The following PRIM2 variants were observed in gnomAD, a reference collection of about 807,000 sequenced individuals.
PRIM2 encodes DNA primase large subunit.
PRIM2 carries 39 observed loss-of-function variants against 67.3 expected under a neutral mutation model. That is an observed-to-expected ratio of 0.58 (90% confidence interval 0.45 to 0.76). PRIM2 has a LOEUF of 0.76. Ranked by LOEUF, PRIM2 falls within the 30% of genes least tolerant of loss-of-function variation. The pLI is 0.00. For synonymous variants in PRIM2, 143 were observed against 198.7 expected, an observed-to-expected ratio of 0.72 and a Z score of 2.36; for missense variants, 398 against 598.7, an observed-to-expected ratio of 0.66 and a Z score of 3.50.
At chr6:57,373,227 T>G (rs1769627169) in intron 5 of PRIM2, among the ~76,000 whole-genome samples, 1 of 152,204 alleles carries the variant, frequency 6.6e-6, no homozygotes, top group Non-Finnish European at 1.5e-5. Flanking sequence ...CATTGTTTTT[T>G]TTTTCATGTG....
chr6:57,561,263 A>G (rs1308976701), intron 10 of PRIM2, among the ~76,000 whole-genome samples: 3 of 151,820 alleles, frequency 2.0e-5, no homozygotes, highest in Non-Finnish European at 2.9e-5. Flanking sequence ...ATGGAGTCCC[A>G]CTCTGTTGCC....
intron 7 of PRIM2, among the ~76,000 whole-genome samples, chr6:57,409,843 T>C (rs6923733): frequency 1.2e-4 from 18 of 152,302 alleles, no homozygotes; most frequent in South Asian, 4.1e-4. Flanking sequence ...TCTTTTATGG[T>C]TTACTTTTAT....
chr6:57,235,296 CT>C, the PRIM2 span, among the ~76,000 whole-genome samples: 1 of 152,124 alleles, frequency 6.6e-6, no homozygotes, highest in Non-Finnish European at 1.5e-5. Flanking sequence ...AGCCCCATCT[CT>C]ACTAAAAATG....
At chr6:57,346,881 G>C (rs4712145) in intron 5 of PRIM2, among the ~76,000 whole-genome samples, 2 of 152,104 alleles carry the variant, frequency 1.3e-5, no homozygotes, top group African/African-American at 2.4e-5. Flanking sequence ...AAGTAGTTGC[G>C]TAACAAATCC....
At chr6:57,253,178 A>C in the PRIM2 span, among the ~76,000 whole-genome samples, 47 of 137,358 alleles carry the variant, frequency 3.4e-4, no homozygotes, top group East Asian at 2.5e-4. Context: ...TTCCTAAGAA[A>C]AACAACATGC....
intron 7 of PRIM2, among the ~76,000 whole-genome samples, chr6:57,421,156 C>T (rs1338539553): frequency 4.6e-5 from 7 of 152,044 alleles, no homozygotes; most frequent in Non-Finnish European, 8.8e-5. Context: ...GAGAAGAGGC[C>T]ATTGTATTTA....
At chr6:57,302,800 CA>C in the PRIM2 span, among the ~76,000 whole-genome samples, 1 of 152,146 alleles carries the variant, frequency 6.6e-6, no homozygotes, top group African/African-American at 2.4e-5. Context: ...ACTGTTGAAG[CA>C]GAAAGTAATA....
the PRIM2 span, among the ~76,000 whole-genome samples, chr6:57,243,796 A>G: frequency 6.6e-6 from 1 of 152,128 alleles, no homozygotes; most frequent in African/African-American, 2.4e-5. Flanking sequence ...TTTCATACAA[A>G]TCTGTTTCAA....
the PRIM2 span, among the ~76,000 whole-genome samples, chr6:57,303,932 G>A: frequency 1.7e-4 from 26 of 152,232 alleles, no homozygotes; most frequent in African/African-American, 6.3e-4. Flanking sequence ...TTTGCACCCC[G>A]CCCACTTCTG....
chr6:57,241,911 A>T, the PRIM2 span, among the ~76,000 whole-genome samples: 1 of 152,030 alleles, frequency 6.6e-6, no homozygotes, highest in Non-Finnish European at 1.5e-5. Context: ...TGACCTCGTG[A>T]TCTGCCCTCC....
intron 7 of PRIM2, among the ~76,000 whole-genome samples, chr6:57,465,199 C>T (rs1208725894): frequency 6.6e-6 from 1 of 152,238 alleles, no homozygotes; most frequent in Non-Finnish European, 1.5e-5. Context: ...CTTCTCCCTT[C>T]CGTGAAGACA....
chr6:57,637,596 C>T (rs1777143897), intron 13 of PRIM2, among the ~76,000 whole-genome samples: 1 of 152,040 alleles, frequency 6.6e-6, no homozygotes, highest in South Asian at 2.1e-4. Context: ...AGCAAGAGAA[C>T]TTCATGAAGC....
chr6:57,581,306 C>T (rs1776080962), intron 10 of PRIM2, among the ~76,000 whole-genome samples: 1 of 152,042 alleles, frequency 6.6e-6, no homozygotes, highest in Non-Finnish European at 1.5e-5. Flanking sequence ...ATGTTGGCTC[C>T]TTTTCTGCTA....
intron 5 of PRIM2, among the ~76,000 whole-genome samples, chr6:57,370,009 A>T (rs1581835521): frequency 6.6e-6 from 1 of 152,214 alleles, no homozygotes; most frequent in African/African-American, 2.4e-5. Flanking sequence ...GAAAAGCTAC[A>T]TGAGATAGGT....
chr6:57,422,158 C>CTTTCTTTTTTTTTTT (rs1771485706), intron 7 of PRIM2, among the ~76,000 whole-genome samples: 1 of 103,316 alleles, frequency 9.7e-6, no homozygotes, highest in Non-Finnish European at 1.9e-5. Flanking sequence ...TCTTTTCTTT[C>CTTTCTTTTTTTTTTT]TTTTTTTTTT....
intron 7 of PRIM2, among the ~76,000 whole-genome samples, chr6:57,498,202 G>C (rs1308614770): frequency 1.3e-5 from 2 of 151,810 alleles, no homozygotes; most frequent in Non-Finnish European, 2.9e-5. Flanking sequence ...AAATTTTCCT[G>C]ATCTATAAAT....
chr6:57,453,027 A>T (rs1562759888), intron 7 of PRIM2, among the ~76,000 whole-genome samples: 1 of 152,182 alleles, frequency 6.6e-6, no homozygotes, highest in African/African-American at 2.4e-5. Context: ...TCCCAGCACC[A>T]TTTATTAAAT....
intron 7 of PRIM2, among the ~76,000 whole-genome samples, chr6:57,430,507 G>A (rs1206150321): frequency 2.2e-4 from 29 of 129,930 alleles, no homozygotes; most frequent in Non-Finnish European, 4.1e-4. Flanking sequence ...AGGCTGGAGT[G>A]CAGTGGCGCA....
chr6:57,466,934 A>C (rs1440750862), intron 7 of PRIM2, among the ~76,000 whole-genome samples: 1 of 152,082 alleles, frequency 6.6e-6, no homozygotes, highest in Non-Finnish European at 1.5e-5. Flanking sequence ...CAGCCTGACC[A>C]AATGGAGAAA....
Sources: gnomAD v4.1 joint callset for allele counts (sites outside exome capture counted in the v4.1 genomes callset) on GRCh38, gnomAD v4.1.1 for gene constraint, MANE v1.5 for transcripts, NCBI Gene and HGNC (gene_info 2026-07-23, HGNC 2026-07-21) for gene names.